PLD1: variants seen among roughly 807,000 people sequenced by gnomAD.
PLD1 encodes choline phosphatase 1.
A neutral mutation model predicts 137.1 loss-of-function variants in PLD1; 112 were observed. The observed-to-expected ratio is 0.82, with a 90% confidence interval of 0.70 to 0.96. The LOEUF is 0.96. Among genes scored for constraint, PLD1 ranks in the 40% least tolerant of loss-of-function variants. PLD1 has a pLI of 0.00. For synonymous variants in PLD1, 431 were observed against 454.7 expected (o/e 0.95, Z 0.66); for missense variants, 1,321 against 1,342.0 (o/e 0.98, Z 0.24).
At chr3:171,701,331 C>T (rs536141505) in intron 11 of PLD1, among the ~76,000 whole-genome samples, 1 of 152,258 alleles carries the variant, frequency 6.6e-6, no homozygotes, top group Admixed American at 6.5e-5. Flanking sequence ...ATCAAAGAAG[C>T]ATTAAAAGGA....
chr3:171,702,444 T>C (rs1333298889), intron 11 of PLD1, among the ~76,000 whole-genome samples: 3 of 151,294 alleles, frequency 2.0e-5, no homozygotes, highest in Non-Finnish European at 2.9e-5. Context: ...GCCACGATCA[T>C]GTCAGTGCAC....
intron 1 of PLD1, chr3:171,792,607 G>A: frequency 2.2e-6 from 1 of 456,722 alleles, no homozygotes; most frequent in Admixed American, 2.3e-5. Flanking sequence ...GAGGCTGATG[G>A]AGCAAGTAGC....
chr3:171,647,427 T>C (rs1215361203), intron 21 of PLD1, among the ~76,000 whole-genome samples: 1 of 152,124 alleles, frequency 6.6e-6, no homozygotes, highest in Non-Finnish European at 1.5e-5. Context: ...AAAATACATG[T>C]AATATAAAAT....
chr3:171,739,493 A>G (rs558444082), intron 1 of PLD1, among the ~76,000 whole-genome samples: 1 of 152,274 alleles, frequency 6.6e-6, no homozygotes, highest in Non-Finnish European at 1.5e-5. Flanking sequence ...TTGGAGCCAA[A>G]TTTGTGGCCT....
intron 25 of PLD1, chr3:171,611,543 C>T (rs188376832): frequency 3.9e-6 from 2 of 516,082 alleles, no homozygotes; most frequent in Admixed American, 3.9e-5. Flanking sequence ...CTTCCTAGCC[C>T]AGTATTCTCT....
chr3:171,771,785 T>A (rs759621894), intron 1 of PLD1, among the ~76,000 whole-genome samples: 8 of 152,236 alleles, frequency 5.3e-5, no homozygotes, highest in Non-Finnish European at 1.2e-4. Flanking sequence ...TAGATAGTAT[T>A]ACTATTTTCA....
chr3:171,633,036 A>G (rs1734806534), intron 23 of PLD1, among the ~76,000 whole-genome samples: 1 of 152,226 alleles, frequency 6.6e-6, no homozygotes, highest in Non-Finnish European at 1.5e-5. Context: ...AACATGATCT[A>G]AAAGAAAGAT....
intron 1 of PLD1, among the ~76,000 whole-genome samples, chr3:171,765,729 G>A (rs1452857731): frequency 6.6e-6 from 1 of 152,150 alleles, no homozygotes; most frequent in Non-Finnish European, 1.5e-5. Context: ...TCTGTCTTCA[G>A]CATTCCAGTC....
chr3:171,605,083 A>G (rs2108251231), intron 26 of PLD1, among the ~76,000 whole-genome samples: 1 of 152,340 alleles, frequency 6.6e-6, no homozygotes. Context: ...AGAGACTGGA[A>G]TGCTGCTAAA....
intron 19 of PLD1, among the ~76,000 whole-genome samples, chr3:171,670,148 G>T (rs1215648239): frequency 6.8e-6 from 1 of 146,686 alleles, no homozygotes; most frequent in Non-Finnish European, 1.5e-5. Flanking sequence ...CAGGGAATAG[G>T]GTGGAGATAA....
intron 13 of PLD1, among the ~76,000 whole-genome samples, chr3:171,689,591 C>T (rs888156914): frequency 3.9e-5 from 6 of 152,066 alleles, no homozygotes; most frequent in Non-Finnish European, 7.4e-5. Context: ...GCCTTGAATT[C>T]CTGAGCTCAA....
chr3:171,639,629 C>CA lies in PLD1; in HGVS notation c.2593+3210_2593+3211insT, dbSNP rs539031566. Among the ~76,000 whole-genome samples, 62 of 69,636 alleles carry CA rather than the reference C, an allele frequency of 8.9e-4. 5 individuals are homozygous for CA. The highest frequency in any genetic ancestry group is 2.9e-3 in the African/African-American group (43 of 15,020). The allele number at this position is 69,636 out of a possible 152,430, so 45.7% of individuals were successfully genotyped here. ...ATATATATTATATATAATATATATT[C>CA]TATATAATATATATTATATATAATA... On this transcript the variant is annotated intron_variant, in intron 23 of 26. Coordinates refer to ENST00000351298, the MANE Select transcript of PLD1 (RefSeq NM_002662.5).
At chr3:171,674,346 G>A (rs1382603195) in intron 19 of PLD1, among the ~76,000 whole-genome samples, 154 bp downstream of exon 19, 1 of 152,132 alleles carries the variant, frequency 6.6e-6, no homozygotes, top group African/African-American at 2.4e-5. Context: ...TTTAACATAG[G>A]AAATATAATA....
rs76669875 is a variant in PLD1, at chr3:171,676,534, T to C, written c.2115+181A>G. ...TGTCTATGGTGTGGACATTCGGGAA[T>C]GTTTCCCTTTTTTTTTGCCCAGATG... On this transcript the variant is annotated intron_variant, in intron 18 of 26. Transcript: ENST00000351298. 2.0e-3 allele frequency among the ~76,000 whole-genome samples: 291 copies of C among 147,032 alleles called. 1 individual carries two copies. Among genetic ancestry groups the C allele is most frequent in the African/African-American group, 6.6e-3 (270 of 40,670 alleles).
rs764460935 is a variant in PLD1, at chr3:171,764,863, GAA to G, written c.-31-26783_-31-26782del. Among the ~76,000 whole-genome samples the G allele has an allele frequency of 7.7e-3, 189 of 24,510 alleles. 27 individuals carry two copies. The highest frequency in any genetic ancestry group is 0.033 in the Middle Eastern group (1 of 30). The allele number at this position is 24,510 out of a possible 152,430, so 16.1% of individuals were successfully genotyped here. On this transcript the variant is annotated intron_variant, in intron 1 of 26. Coordinates refer to ENST00000351298, the MANE Select transcript of PLD1 (RefSeq NM_002662.5). ...AGAAAGAAAGAAAGAAAGAAAGAAAGAAAGAAAGAAAGAAAGAAAGAAAGAAA... is the reference window on the plus strand; with the variant it reads ...AGAAAGAAAGAAAGAAAGAAAGAAAGAGAAAGAAAGAAAGAAAGAAAGAAA...
At chr3:171,767,721 G>T (rs1722072428) in intron 1 of PLD1, among the ~76,000 whole-genome samples, 2 of 152,182 alleles carry the variant, frequency 1.3e-5, no homozygotes, top group African/African-American at 4.8e-5. Context: ...AACAACTTAA[G>T]GTTGTTGTGA....
chr3:171,692,504 T>C, intron 12 of PLD1, 62 bp from the exon 13 acceptor site: 1 of 847,026 alleles, frequency 1.2e-6, no homozygotes, highest in East Asian at 2.4e-5. Context: ...CAATTCATTT[T>C]CTTTTTCCTT....
chr3:171,614,615 A>G (rs551855548), intron 24 of PLD1, among the ~76,000 whole-genome samples: 1 of 152,340 alleles, frequency 6.6e-6, no homozygotes, highest in East Asian at 1.9e-4. Flanking sequence ...GCATTTGTTT[A>G]AAGAAGCCTC....
intron 24 of PLD1, among the ~76,000 whole-genome samples, chr3:171,616,099 G>A (rs1733085011): frequency 6.6e-6 from 1 of 152,156 alleles, no homozygotes; most frequent in African/African-American, 2.4e-5. Context: ...ACATGCTTAT[G>A]AGGCTTGGGT....
Sources: gnomAD v4.1 joint callset for allele counts (sites outside exome capture counted in the v4.1 genomes callset) on GRCh38, gnomAD v4.1.1 for gene constraint, MANE v1.5 for transcripts, NCBI Gene and HGNC (gene_info 2026-07-23, HGNC 2026-07-21) for gene names.